AGAP1: variants seen among roughly 807,000 people sequenced by gnomAD.
The protein encoded by AGAP1 is ArfGAP with GTPase domain, ankyrin repeat and PH domain 1.
Under a neutral mutation model 105.3 loss-of-function variants are expected in AGAP1, and 29 were observed. The observed-to-expected ratio is 0.28, with a 90% CI of 0.21 to 0.38. AGAP1 has a LOEUF of 0.38. AGAP1 is among the 10% of genes least tolerant of loss of function. AGAP1 has a pLI of 1.00. For missense variants in AGAP1, 998 were observed against 1,165.1 expected (o/e 0.86, Z 2.09); for synonymous variants, 509 against 485.9 (o/e 1.05, Z -0.63).
At chr2:235,561,190 G>T (rs913277733) in intron 1 of AGAP1, among the ~76,000 whole-genome samples, 1 of 152,180 alleles carries the variant, frequency 6.6e-6, no homozygotes, top group African/African-American at 2.4e-5. Context: ...CTTCACTGTG[G>T]GATGAGGAGG....
chr2:235,564,867 C>G (rs1944293534), intron 1 of AGAP1, among the ~76,000 whole-genome samples: 1 of 150,770 alleles, frequency 6.6e-6, no homozygotes. Flanking sequence ...TGGACCACCA[C>G]CCAGGGCCAG....
chr2:235,914,129 A>G (rs1311925692), intron 11 of AGAP1, among the ~76,000 whole-genome samples: 1 of 152,162 alleles, frequency 6.6e-6, no homozygotes, highest in East Asian at 1.9e-4. Flanking sequence ...TCTATTATTC[A>G]GCCATCTTGC....
intron 9 of AGAP1, among the ~76,000 whole-genome samples, chr2:235,836,928 G>T (rs973221804): frequency 3.9e-5 from 6 of 152,020 alleles, no homozygotes; most frequent in Admixed American, 3.9e-4. Flanking sequence ...TGTAAAACTG[G>T]AGATCACAAC....
intron 9 of AGAP1, among the ~76,000 whole-genome samples, chr2:235,861,313 G>A (rs1200467632): frequency 1.3e-5 from 2 of 152,160 alleles, no homozygotes; most frequent in Non-Finnish European, 2.9e-5. Flanking sequence ...GTGAAATAAG[G>A]TGTGGTCTGT....
rs2125388343 is a variant in AGAP1 at position 235,976,918 on chromosome 2, C to T, written c.1645+8295C>T. ...AGGTGGCTTGGAGCTCCTGGGGGTA[C>T]CTAGGCAACTCCTGACGCCACAGAC... On this transcript the variant is annotated intron_variant, in intron 13 of 17. Coordinates refer to ENST00000304032, the MANE Select transcript of AGAP1 (RefSeq NM_001037131.3). The surrounding 1 kb of genome is among the most constrained non-coding windows in gnomAD (Gnocchi z 4.5). 6.6e-6 allele frequency among the ~76,000 whole-genome samples: 1 copy of T among 152,318 alleles called. No individual in the cohort carries two copies. The highest frequency in any genetic ancestry group is 2.1e-4 in the South Asian group (1 of 4,832).
chr2:235,879,361 C>A lies in AGAP1; in HGVS notation c.1051-3984C>A, dbSNP rs1444147710. 6.6e-6 allele frequency among the ~76,000 whole-genome samples: 1 copy of A among 152,188 alleles called. No homozygotes were observed. Among genetic ancestry groups the A allele is most frequent in the Admixed American group, 6.5e-5 (1 of 15,286 alleles). On this transcript the variant is annotated intron_variant, in intron 9 of 17. Coordinates refer to ENST00000304032, the MANE Select transcript of AGAP1 (RefSeq NM_001037131.3). This position sits in a 1 kb window ranked among gnomAD's most constrained non-coding sequence, Gnocchi z 5.0. ...GTGGCTCTTGGTCGCCACAGCAATTCTTGGGGGGGTCAGATAATAAACCCA... is the reference window on the plus strand; with the variant it reads ...GTGGCTCTTGGTCGCCACAGCAATTATTGGGGGGGTCAGATAATAAACCCA...
intron 9 of AGAP1, among the ~76,000 whole-genome samples, chr2:235,829,737 G>C (rs1959195692): frequency 6.6e-6 from 1 of 152,186 alleles, no homozygotes; most frequent in Non-Finnish European, 1.5e-5. Context: ...CAGCCTGATG[G>C]TATCGTCCAT....
chr2:235,541,916 C>T (rs1287848896), intron 1 of AGAP1, among the ~76,000 whole-genome samples: 1 of 152,160 alleles, frequency 6.6e-6, no homozygotes, highest in East Asian at 1.9e-4. Flanking sequence ...TCCATTTTCA[C>T]TGCTGTATAA....
In AGAP1 at chr2:235,683,654, G is replaced by A. The variant is rs185869315; in HGVS notation, c.164-25525G>A. Among the ~76,000 whole-genome samples, 1,012 of 151,620 alleles carry A rather than the reference G, an allele frequency of 6.7e-3. 17 individuals are homozygous for A. Among genetic ancestry groups the A allele is most frequent in the African/African-American group, 0.023 (971 of 41,422 alleles). On this transcript the variant is annotated intron_variant, in intron 1 of 17. Coordinates refer to ENST00000304032, the MANE Select transcript of AGAP1 (RefSeq NM_001037131.3). Reference sequence around the variant, plus strand: ...TGTGCTGAGGTCAGGAGTCCAGCTTGCTCTCCTTTGAGGAGATGGCCTTGT... The same window carrying A: ...TGTGCTGAGGTCAGGAGTCCAGCTTACTCTCCTTTGAGGAGATGGCCTTGT...
chr2:235,751,777 C>T lies in AGAP1; in HGVS notation c.673+1289C>T, dbSNP rs1055091860. Among the ~76,000 whole-genome samples, 1 of 152,222 alleles carries T rather than the reference C, an allele frequency of 6.6e-6. No individual in the cohort carries two copies. Among genetic ancestry groups the T allele is most frequent in the East Asian group, 1.9e-4 (1 of 5,194 alleles). On this transcript the variant is annotated intron_variant, in intron 6 of 17. Coordinates refer to ENST00000304032, the MANE Select transcript of AGAP1 (RefSeq NM_001037131.3). This position sits in a 1 kb window ranked among gnomAD's most constrained non-coding sequence, Gnocchi z 5.3. ...TTTTTCAGCACGTTGGTCCTAGTTACTGCTTCATGGCTTAGGTTTCTTCTC... is the reference window on the plus strand; with the variant it reads ...TTTTTCAGCACGTTGGTCCTAGTTATTGCTTCATGGCTTAGGTTTCTTCTC...
chr2:235,810,400 A>G (rs778777621), intron 9 of AGAP1, among the ~76,000 whole-genome samples: 2 of 152,180 alleles, frequency 1.3e-5, no homozygotes, highest in African/African-American at 2.4e-5. Context: ...CCTTTGCCTA[A>G]TGGCAGAGGA....
At chr2:236,029,681 T>A (rs72973006) in intron 13 of AGAP1, among the ~76,000 whole-genome samples, 1 of 152,218 alleles carries the variant, frequency 6.6e-6, no homozygotes, top group Non-Finnish European at 1.5e-5. Context: ...GTTCTTTCCT[T>A]CTTTTTCTTT....
chr2:236,077,159 A>C (rs985107510), intron 16 of AGAP1, among the ~76,000 whole-genome samples: 3 of 147,752 alleles, frequency 2.0e-5, no homozygotes, highest in Non-Finnish European at 4.5e-5. Context: ...ATATATATAT[A>C]TTCATATTCC....
rs1297927143 is a variant in AGAP1 at position 235,883,203 on chromosome 2, GGCATATCTTTTA to G, written c.1051-137_1051-126del. ...TTTGTGTCGTATTTGTTGAACTAATGGCATATCTTTTAGCATTCGCCAGTATCACAGAGTGAA... is the reference window on the plus strand; with the variant it reads ...TTTGTGTCGTATTTGTTGAACTAATGGCATTCGCCAGTATCACAGAGTGAA... On this transcript the variant is annotated intron_variant, in intron 9 of 17. Coordinates refer to ENST00000304032, the MANE Select transcript of AGAP1 (RefSeq NM_001037131.3). The surrounding 1 kb of genome is among the most constrained non-coding windows in gnomAD (Gnocchi z 4.5). 6.1e-6 allele frequency: 4 copies of G among 651,212 alleles called. No individual in the cohort carries two copies. Among genetic ancestry groups the G allele is most frequent in the Non-Finnish European group, 1.1e-5 (4 of 370,918 alleles). 40.3% of individuals were successfully genotyped at this position (651,212 alleles called of 1,614,324 possible). A position where few individuals can be genotyped will look rare whatever the true frequency, so the allele number is the denominator to read the frequency against.
chr2:235,695,807 A>C (rs1219925326), intron 1 of AGAP1, among the ~76,000 whole-genome samples: 1 of 152,318 alleles, frequency 6.6e-6, no homozygotes, highest in African/African-American at 2.4e-5. Context: ...CAGGGAGCTG[A>C]GAGGGGTCAC....
intron 1 of AGAP1, among the ~76,000 whole-genome samples, chr2:235,521,189 G>A (rs1180486022): frequency 6.6e-6 from 1 of 152,156 alleles, no homozygotes; most frequent in Non-Finnish European, 1.5e-5. Flanking sequence ...TCTTTAGGGT[G>A]TATCTCACTT....
In AGAP1 at chr2:235,596,427, C is replaced by G. The variant is rs1453545725; in HGVS notation, c.163+101578C>G. Among the ~76,000 whole-genome samples the G allele has an allele frequency of 1.3e-5, 2 of 152,146 alleles. No homozygotes were observed. Among genetic ancestry groups the G allele is most frequent in the African/African-American group, 4.8e-5 (2 of 41,434 alleles). ...ACTCCAGCTGCTTAACTCCGGTGTG[C>G]CTGGAGTCACCTTGGGACCTTGTTA... On this transcript the variant is annotated intron_variant, in intron 1 of 17. Transcript: ENST00000304032. This position sits in a 1 kb window ranked among gnomAD's most constrained non-coding sequence, Gnocchi z 5.9.
At position 235,620,775 on chromosome 2, in the gene AGAP1, C is replaced by T. The variant is rs924925646; in HGVS notation, c.164-88404C>T. On this transcript the variant is annotated intron_variant, in intron 1 of 17. Transcript: ENST00000304032. This position sits in a 1 kb window ranked among gnomAD's most constrained non-coding sequence, Gnocchi z 4.5. ...ACCTAGCCAATGCTAGGCCCTTTGT[C>T]GATGTTCGTTAGGCATGCAGGTGAA... 5.9e-5 allele frequency among the ~76,000 whole-genome samples: 9 copies of T among 152,184 alleles called. No homozygotes were observed. Among genetic ancestry groups the T allele is most frequent in the African/African-American group, 1.9e-4 (8 of 41,438 alleles).
intron 1 of AGAP1, among the ~76,000 whole-genome samples, chr2:235,704,920 G>A (rs1950450149): frequency 6.8e-6 from 1 of 147,430 alleles, no homozygotes; most frequent in South Asian, 2.2e-4. Flanking sequence ...TTCTTGGGAA[G>A]GATCATTACT....
Sources: gnomAD v4.1 joint callset for allele counts (sites outside exome capture counted in the v4.1 genomes callset) on GRCh38, gnomAD v4.1.1 for gene constraint, Gnocchi (gnomAD v3.1) non-coding constraint, MANE v1.5 for transcripts, NCBI Gene and HGNC (gene_info 2026-07-23, HGNC 2026-07-21) for gene names.